DPP6: variants seen among roughly 807,000 people sequenced by gnomAD.
The protein encoded by DPP6 is dipeptidyl peptidase like 6.
Under a neutral mutation model 122.6 loss-of-function variants are expected in DPP6, and 69 were observed. That is an observed-to-expected ratio of 0.56 (90% CI 0.46 to 0.69). The LOEUF (loss-of-function observed/expected upper bound fraction) is 0.69, where lower values mean the gene tolerates loss of function less well. DPP6 is among the 30% of genes least tolerant of loss of function. DPP6 has a pLI of 0.00. For missense variants in DPP6, 928 were observed against 1,116.9 expected (o/e 0.83, Z 2.41); for synonymous variants, 418 against 433.1 (o/e 0.97, Z 0.43).
intron 5 of DPP6, among the ~76,000 whole-genome samples, chr7:154,626,499 C>T (rs941765519): frequency 5.9e-5 from 9 of 152,180 alleles, no homozygotes; most frequent in Non-Finnish European, 7.4e-5. Flanking sequence ...ACAGAGAATG[C>T]GAGAAACATT....
chr7:154,189,695 G>A (rs527661784), intron 1 of DPP6, among the ~76,000 whole-genome samples: 19 of 152,244 alleles, frequency 1.2e-4, no homozygotes, highest in Admixed American at 5.2e-4. Flanking sequence ...CTCTCATGCC[G>A]TGTCTCTGGG....
chr7:153,952,292 C>A (rs1298826792), intron 1 of DPP6, among the ~76,000 whole-genome samples: 1 of 152,192 alleles, frequency 6.6e-6, no homozygotes, highest in Non-Finnish European at 1.5e-5. Context: ...TTCATGTGTA[C>A]CCTGCAACCA....
intron 1 of DPP6, among the ~76,000 whole-genome samples, chr7:154,008,037 C>G (rs1797988132): frequency 6.6e-6 from 1 of 152,176 alleles, no homozygotes; most frequent in Non-Finnish European, 1.5e-5. Context: ...TGAACACATG[C>G]AGTAGTTTCC....
At chr7:154,700,594 G>C (rs1475879681) in intron 7 of DPP6, among the ~76,000 whole-genome samples, 1 of 152,228 alleles carries the variant, frequency 6.6e-6, no homozygotes, top group Non-Finnish European at 1.5e-5. Context: ...CAAAGGCCAT[G>C]TTCCAAAATC....
intron 1 of DPP6, among the ~76,000 whole-genome samples, chr7:153,909,594 A>G (rs539868946): frequency 1.3e-5 from 2 of 152,164 alleles, no homozygotes; most frequent in South Asian, 4.1e-4. Flanking sequence ...GGTTCTTACC[A>G]CTGCATGGAA....
intron 1 of DPP6, among the ~76,000 whole-genome samples, chr7:154,364,678 G>A (rs1812007941): frequency 6.6e-6 from 1 of 152,188 alleles, no homozygotes; most frequent in Non-Finnish European, 1.5e-5. Context: ...AATGTACTAG[G>A]ATTTGTTAAA....
intron 2 of DPP6, among the ~76,000 whole-genome samples, chr7:154,452,081 C>A (rs1439161041): frequency 2.0e-5 from 3 of 152,210 alleles, no homozygotes; most frequent in African/African-American, 7.2e-5. Context: ...AGAGCAGTGT[C>A]ACCTCGACAG....
chr7:154,837,254 C>G (rs1584851019), intron 16 of DPP6, among the ~76,000 whole-genome samples: 1 of 151,346 alleles, frequency 6.6e-6, no homozygotes, highest in African/African-American at 2.4e-5. Flanking sequence ...GGCACATTCA[C>G]ACATGCACAC....
intron 5 of DPP6, among the ~76,000 whole-genome samples, chr7:154,581,427 C>T (rs1327142107): frequency 6.6e-6 from 1 of 152,122 alleles, no homozygotes; most frequent in Non-Finnish European, 1.5e-5. Flanking sequence ...TCCCCCACTT[C>T]CTCCCACACA....
rs552741795 is a variant in DPP6, at chr7:154,495,000, G to A, written c.457+19963G>A. On this transcript the variant is annotated intron_variant, in intron 3 of 25. Coordinates refer to ENST00000377770, the MANE Select transcript of DPP6 (RefSeq NM_130797.4). ...GCTGTAGGAGCTTAGAGAGAGTCTC[G>A]TGGAGGTGACATTTGAACCAAAGTA... Among the ~76,000 whole-genome samples, 16 of 152,268 alleles carry A rather than the reference G, an allele frequency of 1.1e-4. No individual in the cohort carries two copies. In the South Asian group the frequency reaches 1.9e-3, roughly 18 times the overall value.
At chr7:154,580,776 C>T (rs1215719029) in intron 5 of DPP6, among the ~76,000 whole-genome samples, 1 of 152,106 alleles carries the variant, frequency 6.6e-6, no homozygotes, top group Non-Finnish European at 1.5e-5. Flanking sequence ...AGAACCTTCC[C>T]GGTGCGATCA....
At chr7:154,348,751 A>G (rs1810603169) in intron 1 of DPP6, among the ~76,000 whole-genome samples, 1 of 152,180 alleles carries the variant, frequency 6.6e-6, no homozygotes, top group Non-Finnish European at 1.5e-5. Flanking sequence ...AAGGACTAAT[A>G]TCCTTAATGA....
chr7:153,866,477 T>C, the DPP6 span, among the ~76,000 whole-genome samples: 4,058 of 152,312 alleles, frequency 0.027, 158 homozygotes, highest in African/African-American at 0.092. Context: ...GTTCATATCC[T>C]TTGCCCACTT....
In DPP6 at chr7:154,520,796, A is replaced by G. The variant is rs76624604; in HGVS notation, c.458-19736A>G. On this transcript the variant is annotated intron_variant, in intron 3 of 25. Transcript: ENST00000377770. Reference sequence around the variant, plus strand: ...CTTGCGTCTAGTAAGACCTCCTCACATTTCCATCAGTGTCTACAACTTACA... The same window carrying G: ...CTTGCGTCTAGTAAGACCTCCTCACGTTTCCATCAGTGTCTACAACTTACA... 3.8e-3 allele frequency among the ~76,000 whole-genome samples: 572 copies of G among 152,332 alleles called. 6 individuals are homozygous for G. The highest frequency in any genetic ancestry group is 0.012 in the African/African-American group (517 of 41,572).
chr7:154,315,279 C>T (rs1344588115), intron 1 of DPP6, among the ~76,000 whole-genome samples: 2 of 152,202 alleles, frequency 1.3e-5, no homozygotes, highest in African/African-American at 4.8e-5. Flanking sequence ...AATCCCAGGA[C>T]ATCACCTGTA....
the DPP6 span, among the ~76,000 whole-genome samples, chr7:153,873,260 C>T: frequency 3.3e-5 from 5 of 152,216 alleles, no homozygotes; most frequent in African/African-American, 1.2e-4. Flanking sequence ...AGGCATCTGC[C>T]CTCATGACAC....
intron 7 of DPP6, among the ~76,000 whole-genome samples, chr7:154,726,187 C>T (rs774066137): frequency 1.2e-4 from 18 of 152,188 alleles, no homozygotes; most frequent in Non-Finnish European, 2.4e-4. Context: ...GTCTGGAAGA[C>T]AGTGGCCCTC....
chr7:154,184,304 T>G (rs1231347317), intron 1 of DPP6, among the ~76,000 whole-genome samples: 1 of 151,776 alleles, frequency 6.6e-6, no homozygotes, highest in Non-Finnish European at 1.5e-5. Context: ...ATTTTTCCCC[T>G]GGGAGGCTGA....
chr7:154,808,900 C>CA lies in DPP6; in HGVS notation c.1666+1790dup, dbSNP rs556316230. On this transcript the variant is annotated intron_variant, in intron 16 of 25. Transcript: ENST00000377770. ...GAAGTAGATTTCAAGAAGAGTGCCC[C>CA]AAGCAACAAAGGTTGAATGAGAAAG... Among the ~76,000 whole-genome samples, 906 of 152,246 alleles carry CA rather than the reference C, an allele frequency of 6.0e-3. 11 individuals carry two copies. Among genetic ancestry groups the CA allele is most frequent in the Middle Eastern group, 0.027 (8 of 294 alleles).
Sources: allele counts gnomAD v4.1 joint callset (sites outside exome capture counted in the v4.1 genomes callset), GRCh38; gene constraint gnomAD v4.1.1; transcripts MANE v1.5; gene names NCBI Gene and HGNC (gene_info 2026-07-23, HGNC 2026-07-21).